MED16: variants seen among roughly 807,000 people sequenced by gnomAD.
MED16 encodes mediator complex subunit 16.
In MED16, 81 loss-of-function variants were observed where a neutral mutation model predicts 84.4. The observed-to-expected ratio is 0.96, with a 90% confidence interval of 0.80 to 1.15. The LOEUF is 1.15. MED16 is among the 50% of genes most tolerant of loss of function. The pLI, the probability that MED16 is intolerant of heterozygous loss-of-function variation, is 0.00. For missense variants in MED16, 1,585 were observed against 1,245.9 expected (o/e 1.27, Z -4.10); for synonymous variants, 897 against 552.2 (o/e 1.62, Z -8.76).
Position 871,768 on chromosome 19 carries a change from G to C in MED16, c.2098+158C>G, listed in dbSNP as rs576938391. ...TGTGTTTTGGTAGGGAGAGGGGAGC[G>C]GGGAGAGGGGAGAGGGGAGAGCGGG... On this transcript the variant is annotated intron_variant, in intron 12 of 15. Transcript: ENST00000325464. The C allele has an allele frequency of 3.3e-3, 1,572 of 469,964 alleles. 33 individuals carry two copies. The highest frequency in any genetic ancestry group is 0.024 in the South Asian group (1,121 of 46,848). 29.1% of individuals were successfully genotyped at this position (469,964 alleles called of 1,614,324 possible). A position where few individuals can be genotyped will look rare whatever the true frequency, so the allele number is the denominator to read the frequency against.
intron 4 of MED16, among the ~76,000 whole-genome samples, chr19:888,279 T>G (rs898607345): frequency 7.2e-5 from 11 of 151,858 alleles, no homozygotes; most frequent in African/African-American, 2.7e-4. Context: ...CCCAGCACTT[T>G]GGGAGGCTGA....
Position 868,163 on chromosome 19 carries a change from T to C in MED16, c.2572A>G (p.Thr858Ala), listed in dbSNP as rs777379899. The C allele has an allele frequency of 2.5e-6, 4 of 1,611,622 alleles. No individual in the cohort carries two copies. The South Asian group carries it at 3.3e-5, about 13-fold the overall frequency. ...CTGGGGGTCCTGGGAGAGTGGTGTG[T>C]GGACTGCGGGCCCAGCTGGACAAAG... ...PAFVQLGPQS[T>A]HHSPRTPRSL... is the part of the protein sequence containing the mutation. The change falls in exon 16 of 16, where the codon ACA (threonine) becomes GCA (alanine). Residue 858 changes from threonine (T) to alanine (A), a missense_variant. Physicochemically the swap from Thr to Ala is moderately conservative, Grantham distance 58. Transcript: ENST00000325464.
intron 7 of MED16, among the ~76,000 whole-genome samples, chr19:881,249 G>A (rs542591499): frequency 6.6e-6 from 1 of 152,330 alleles, no homozygotes; most frequent in East Asian, 1.9e-4. Flanking sequence ...GCACAGAGAG[G>A]ACACATGCCG....
At chr19:874,012 A>G (rs1300011225) in intron 10 of MED16, among the ~76,000 whole-genome samples, 5 of 152,170 alleles carry the variant, frequency 3.3e-5, no homozygotes, top group Non-Finnish European at 7.4e-5. Flanking sequence ...TCGGATGGTG[A>G]CTAGGGTGGT....
In MED16 at chr19:868,125, A is replaced by G. The variant is rs1372927420; in HGVS notation, c.2610T>C (p.His870=). 8.1e-6 allele frequency: 13 copies of G among 1,610,746 alleles called. No homozygotes were observed. Among genetic ancestry groups the G allele is most frequent in the Non-Finnish European group, 8.5e-6 (10 of 1,179,290 alleles). Residue 870 remains histidine (H), a synonymous_variant, in exon 16 of 16, where the codon CAT becomes CAC. Coordinates refer to ENST00000325464, the MANE Select transcript of MED16 (RefSeq NM_005481.3). ...GTCACGGACGGTCCTCTGGATGCAG[A>G]TGGTCCAGGGATCTGGGGGTCCTGG... ...HSPRTPRSLD[H]LHPEDRP
chr19:889,228 A>T (rs1023830673), intron 4 of MED16, among the ~76,000 whole-genome samples: 1 of 151,716 alleles, frequency 6.6e-6, no homozygotes, highest in African/African-American at 2.4e-5. Context: ...TGTGGGGCCG[A>T]ATCACAGGGA....
rs866837723 is a variant in MED16, at chr19:872,163, A to G, written c.1906-45T>C. ...GTGTGGCTGGGGCGGCGGGGGGCAG[A>G]TGGCGATGGGATGAAGTGTCTTGGG... On this transcript the variant is annotated intron_variant, in intron 11 of 15. Coordinates refer to ENST00000325464, the MANE Select transcript of MED16 (RefSeq NM_005481.3). The G allele has an allele frequency of 3.9e-6, 6 of 1,534,944 alleles. No homozygotes were observed. In the Middle Eastern group the frequency reaches 1.0e-3, roughly 266 times the overall value.
rs769749572 is a variant in MED16, at chr19:871,224, C to T, written c.2128G>A (p.Asp710Asn). 1.9e-5 allele frequency: 29 copies of T among 1,543,050 alleles called. No homozygotes were observed. The highest frequency in any genetic ancestry group is 1.1e-5 in the Non-Finnish European group (13 of 1,141,354). ...CRDEGPASEP[D>N]EALVDECCLL... ...CAGCATTCATCCACCAGCGCCTCGT[C>T]CGGCTCGCTCGCTGGGCCCTCATCG... is the stretch of plus-strand genomic sequence containing the variant. Residue 710 changes from aspartate to asparagine, a missense_variant, in exon 13 of 16, where the codon GAC becomes AAC. Asp to Asn is a conservative substitution (Grantham distance 23). Transcript: ENST00000325464.
At chr19:881,485 G>T (rs78579800) in intron 7 of MED16, 74 bp downstream of exon 7, 2 of 1,517,176 alleles carry the variant, frequency 1.3e-6, no homozygotes, top group African/African-American at 2.7e-5. Context: ...CCACGACCCC[G>T]TGGCCTGTGC....
Position 872,089 on chromosome 19 carries a change from A to G in MED16, c.1935T>C (p.Phe645=), listed in dbSNP as rs72984031. 412,114 of 1,607,490 alleles carry G rather than the reference A, an allele frequency of 0.26. 56,015 individuals carry two copies. The highest frequency in any genetic ancestry group is 0.28 in the Non-Finnish European group (326,941 of 1,177,114). Reference sequence around the variant, plus strand: ...TGCCCAGCGAGGTGCCGTCCCGCAGAAAGCTGTGGCCCGGCCTCAGCAGGG... The same window carrying G: ...TGCCCAGCGAGGTGCCGTCCCGCAGGAAGCTGTGGCCCGGCCTCAGCAGGG... ...QGSLLRPGHS[F]LRDGTSLGML... The change falls in exon 12 of 16, where the codon TTT becomes TTC. Residue 645 remains phenylalanine, a synonymous_variant. Coordinates refer to ENST00000325464, the MANE Select transcript of MED16 (RefSeq NM_005481.3).
chr19:871,764 G>A (rs1216391216), intron 12 of MED16, 162 bp downstream of exon 12: 62 of 592,214 alleles, frequency 1.0e-4, no homozygotes, highest in Admixed American at 2.2e-4. Context: ...AGGGAGAGGG[G>A]AGCGGGGAGA....
intron 1 of MED16, among the ~76,000 whole-genome samples, chr19:891,655 GCGGGGGC>G (rs2036637000): frequency 2.8e-5 from 4 of 143,404 alleles, no homozygotes; most frequent in African/African-American, 7.9e-5. Context: ...TGTGGCCGAG[GCGGGGGC>G]TGAGTGTGAC....
chr19:875,509 G>C, intron 9 of MED16, 55 bp from the exon 10 acceptor site: 1 of 1,413,496 alleles, frequency 7.1e-7, no homozygotes, highest in Non-Finnish European at 9.6e-7. Context: ...CGCCCGCCAA[G>C]GCTCCAGCTG....
At chr19:879,163 G>A (rs1389886767) in intron 8 of MED16, among the ~76,000 whole-genome samples, 5 of 122,744 alleles carry the variant, frequency 4.1e-5, no homozygotes, top group Admixed American at 2.9e-4. Context: ...TGCCCCAGCA[G>A]CTCGCCTTCC....
intron 11 of MED16, among the ~76,000 whole-genome samples, chr19:872,654 G>A (rs987866909): frequency 1.3e-5 from 2 of 151,826 alleles, no homozygotes; most frequent in Non-Finnish European, 2.9e-5. Flanking sequence ...TGTACCGGCG[G>A]GGGGGTGGGG....
Position 890,205 on chromosome 19 carries a change from G to A in MED16, c.209C>T (p.Pro70Leu), listed in dbSNP as rs969601088. ...TGAGGGGATCGAGTGCAGGTCCCAG[G>A]GGTGCTCCGTGTCCAGGATGTGGAT... ...RMIHILDTEH[P>L]WDLHSIPSEH... The change falls in exon 3 of 16, where the codon CCC (proline) becomes CTC (leucine). Residue 70 changes from proline (P) to leucine (L), a missense_variant. Pro to Leu is a moderately conservative substitution (Grantham distance 98). Transcript: ENST00000325464. 6.4e-7 allele frequency: 1 copy of A among 1,554,968 alleles called. No homozygotes were observed. The highest frequency in any genetic ancestry group is 1.9e-5 in the Admixed American group (1 of 51,360).
At chr19:876,928 C>T (rs760325527) in intron 9 of MED16, 46 bp downstream of exon 9, 6 of 1,478,506 alleles carry the variant, frequency 4.1e-6, no homozygotes, top group East Asian at 2.7e-5. Context: ...CCACCTGCCA[C>T]AGGGCCCCCA....
At chr19:880,957 G>A (rs986196320) in intron 7 of MED16, among the ~76,000 whole-genome samples, 3 of 152,002 alleles carry the variant, frequency 2.0e-5, no homozygotes, top group Admixed American at 6.6e-5. Context: ...ATAGAGCCTG[G>A]AAAATGGAGC....
chr19:869,481 A>G (rs887813649), intron 13 of MED16, among the ~76,000 whole-genome samples: 6 of 151,534 alleles, frequency 4.0e-5, no homozygotes, highest in Admixed American at 3.9e-4. Flanking sequence ...AATATCTGAA[A>G]TTTTCCCAGT....
Sources: allele counts gnomAD v4.1 joint callset (sites outside exome capture counted in the v4.1 genomes callset), GRCh38; gene constraint gnomAD v4.1.1; transcripts MANE v1.5; gene names NCBI Gene and HGNC (gene_info 2026-07-23, HGNC 2026-07-21).